JCAD: variants seen among roughly 807,000 people sequenced by gnomAD.
JCAD encodes the protein junctional cadherin 5-associated protein.
Under a neutral mutation model 98.0 loss-of-function variants are expected in JCAD, and 40 were observed. That is an observed-to-expected ratio of 0.41 (90% CI 0.32 to 0.53). The LOEUF is 0.53. Among genes scored for constraint, JCAD ranks in the 20% least tolerant of loss-of-function variants. The pLI, the probability that JCAD is intolerant of heterozygous loss-of-function variation, is 0.31. For missense variants in JCAD, 1,705 were observed against 1,738.1 expected (o/e 0.98, Z 0.34); for synonymous variants, 691 against 682.3 (o/e 1.01, Z -0.20).
At chr10:30,040,491 G>A (rs1021863551) in intron 2 of JCAD, among the ~76,000 whole-genome samples, 36 of 152,190 alleles carry the variant, frequency 2.4e-4, no homozygotes, top group African/African-American at 6.8e-4. Flanking sequence ...GACCAGCCTC[G>A]TTCTCATTTG....
intron 3 of JCAD, among the ~76,000 whole-genome samples, chr10:30,018,804 A>C (rs1836592832): frequency 6.6e-6 from 1 of 152,174 alleles, no homozygotes; most frequent in African/African-American, 2.4e-5. Flanking sequence ...TAAAGAGAAA[A>C]TGTCTAAGCA....
intron 1 of JCAD, among the ~76,000 whole-genome samples, chr10:30,057,164 G>C (rs1030500769): frequency 6.6e-6 from 1 of 152,092 alleles, no homozygotes; most frequent in Non-Finnish European, 1.5e-5. Context: ...TGTTCTAAAC[G>C]CTCTCCAGAT....
chr10:30,072,789 T>C (rs781664943), intron 1 of JCAD, among the ~76,000 whole-genome samples: 1 of 152,096 alleles, frequency 6.6e-6, no homozygotes, highest in Non-Finnish European at 1.5e-5. Flanking sequence ...GTAGATGTGA[T>C]TACAGGTGCC....
chr10:30,081,033 A>T (rs1045577505), intron 1 of JCAD, among the ~76,000 whole-genome samples: 1 of 152,206 alleles, frequency 6.6e-6, no homozygotes, highest in African/African-American at 2.4e-5. Flanking sequence ...TACCAAAATC[A>T]CTAAAGAACA....
intron 2 of JCAD, among the ~76,000 whole-genome samples, chr10:30,034,157 A>T (rs1321061892): frequency 2.6e-5 from 4 of 151,936 alleles, no homozygotes; most frequent in African/African-American, 9.7e-5. Context: ...CGGGAGGAGG[A>T]GGTTGCAGTG....
chr10:30,026,598 T>C lies in JCAD; in HGVS notation c.3550A>G (p.Ser1184Gly). 1 of 1,613,974 alleles carries C rather than the reference T, an allele frequency of 6.2e-7. No homozygotes were observed. Among genetic ancestry groups the C allele is most frequent in the South Asian group, 1.1e-5 (1 of 91,070 alleles). The change falls in exon 3 of 4, where the codon AGC (serine) becomes GGC (glycine). Residue 1184 changes from serine (S) to glycine (G), a missense_variant. Around this residue, in one of 3 missense-constraint regions of JCAD, gnomAD observed 1,278 missense variants for 1,243.1 expected, o/e 1.03. Coordinates refer to ENST00000375377, the MANE Select transcript of JCAD (RefSeq NM_020848.4). ...TCAGGCTCAGGGACAGGGTCTGTGCTGGTGACAACCCCGTCCACATCTGAG... is the reference window on the plus strand; with the variant it reads ...TCAGGCTCAGGGACAGGGTCTGTGCCGGTGACAACCCCGTCCACATCTGAG... ...EHSDVDGVVT[S>G]TDPVPEPEPS...
At chr10:30,094,632 C>T (rs1838340123) in intron 1 of JCAD, among the ~76,000 whole-genome samples, 1 of 152,130 alleles carries the variant, frequency 6.6e-6, no homozygotes, top group South Asian at 2.1e-4. Context: ...CTGCATTTTC[C>T]CTTATGCAGT....
At chr10:30,057,705 A>C (rs1837604170) in intron 1 of JCAD, among the ~76,000 whole-genome samples, 1 of 152,230 alleles carries the variant, frequency 6.6e-6, no homozygotes, top group Non-Finnish European at 1.5e-5. Flanking sequence ...GCCTCTGTTC[A>C]ACAAATATTT....
intron 2 of JCAD, among the ~76,000 whole-genome samples, chr10:30,068,842 T>G (rs997383289): frequency 6.6e-6 from 1 of 152,134 alleles, no homozygotes; most frequent in Non-Finnish European, 1.5e-5. Context: ...CTGGAATTAT[T>G]CCAACTGGCC....
chr10:30,025,594 T>C (rs775896869), intron 3 of JCAD, among the ~76,000 whole-genome samples: 4 of 144,596 alleles, frequency 2.8e-5, no homozygotes, highest in Non-Finnish European at 6.0e-5. Context: ...TTAGACTAAA[T>C]GACAGAAGGT....
In JCAD at chr10:30,031,396, G is replaced by T. The variant is rs145889512; in HGVS notation, c.282-1530C>A. On this transcript the variant is annotated intron_variant, in intron 2 of 3. Coordinates refer to ENST00000375377, the MANE Select transcript of JCAD (RefSeq NM_020848.4). ...TCCTCCCACCTCCGCCTCCTCATGT[G>T]TTGGGATTACAGACATGAAGCACCA... is the stretch of plus-strand genomic sequence containing the variant. Among the ~76,000 whole-genome samples the T allele has an allele frequency of 7.4e-3, 1,096 of 148,076 alleles. 8 individuals carry two copies. The highest frequency in any genetic ancestry group is 0.022 in the African/African-American group (861 of 39,998).
chr10:30,102,668 T>C (rs1014601531), intron 1 of JCAD, among the ~76,000 whole-genome samples: 4 of 152,208 alleles, frequency 2.6e-5, no homozygotes, highest in African/African-American at 9.6e-5. Context: ...TTAGATTCCT[T>C]ATATAAGCAG....
intron 3 of JCAD, among the ~76,000 whole-genome samples, chr10:30,022,165 T>A (rs184321452): frequency 6.6e-6 from 1 of 152,260 alleles, no homozygotes; most frequent in East Asian, 1.9e-4. Flanking sequence ...ACCAGAGGCA[T>A]GAAAGACCAC....
chr10:30,092,109 TATATATATATATATATAA>T lies in JCAD; in HGVS notation n.129-22306_129-22289del, dbSNP rs1179673847. 7.4e-5 allele frequency among the ~76,000 whole-genome samples: 8 copies of T among 107,726 alleles called. 1 individual carries two copies. Among genetic ancestry groups the T allele is most frequent in the African/African-American group, 2.0e-4 (5 of 24,504 alleles). 70.7% of individuals were successfully genotyped at this position (107,726 alleles called of 152,430 possible). On this transcript the variant is annotated intron_variant and non_coding_transcript_variant, in intron 1 of 2. Transcript: ENST00000465712. ...TATATAAAGTTACTTTATATATATA[TATATATATATATATATAA>T]AAAACATTTTAACTCTTTGCAAGAA...
Position 30,085,895 on chromosome 10 carries a change from C to G in JCAD, n.129-16074G>C, listed in dbSNP as rs187309907. On this transcript the variant is annotated intron_variant and non_coding_transcript_variant, in intron 1 of 2. Coordinates refer to the JCAD transcript ENST00000465712. Reference sequence around the variant, plus strand: ...CCCCGAGTGTTTGTTTAGCCAATTTCAAACACCAATCCAGTCCTTCCCCAG... The same window carrying G: ...CCCCGAGTGTTTGTTTAGCCAATTTGAAACACCAATCCAGTCCTTCCCCAG... Among the ~76,000 whole-genome samples, 193 of 145,600 alleles carry G rather than the reference C, an allele frequency of 1.3e-3. 3 individuals carry two copies. In the Middle Eastern group the frequency reaches 0.021, roughly 16 times the overall value.
At chr10:30,031,916 G>A (rs908905520) in intron 2 of JCAD, among the ~76,000 whole-genome samples, 18 of 151,170 alleles carry the variant, frequency 1.2e-4, no homozygotes, top group African/African-American at 2.9e-4. Context: ...CACTACGCCC[G>A]GCTAATTTTT....
In JCAD at chr10:30,082,873, AAAAAC is replaced by A. The variant is rs1449984254; in HGVS notation, n.129-13057_129-13053del. 3.1e-3 allele frequency among the ~76,000 whole-genome samples: 460 copies of A among 149,004 alleles called. 10 individuals carry two copies. The highest frequency in any genetic ancestry group is 0.027 in the South Asian group (123 of 4,634). ...TCTCAAAAAAAAAAAAAAAAAAAAA[AAAAAC>A]AAAAAATTAGCTGGGTGTGGTGGCA... On this transcript the variant is annotated intron_variant and non_coding_transcript_variant, in intron 1 of 2. Coordinates refer to the JCAD transcript ENST00000465712.
At chr10:30,065,905 C>T (rs1023894410) in intron 2 of JCAD, among the ~76,000 whole-genome samples, 1 of 152,158 alleles carries the variant, frequency 6.6e-6, no homozygotes, top group East Asian at 1.9e-4. Flanking sequence ...TGACTAAAGG[C>T]CAAATTCCTG....
At chr10:30,035,522 T>G (rs1837088995) in intron 2 of JCAD, among the ~76,000 whole-genome samples, 1 of 152,242 alleles carries the variant, frequency 6.6e-6, no homozygotes, top group African/African-American at 2.4e-5. Flanking sequence ...CTCTGGTAGA[T>G]TTCTCCTTCA....
Sources: gnomAD v4.1 joint callset for allele counts (sites outside exome capture counted in the v4.1 genomes callset) on GRCh38, gnomAD v4.1.1 for gene constraint, gnomAD v4.1.1 regional missense constraint, MANE v1.5 for transcripts, NCBI Gene and HGNC (gene_info 2026-07-23, HGNC 2026-07-21) for gene names.